Variants in PCDHGA3 observed in about 807,000 individuals in gnomAD.
PCDHGA3 encodes protocadherin gamma-A3.
Under a neutral mutation model 58.5 loss-of-function variants are expected in PCDHGA3, and 40 were observed. That is an observed-to-expected ratio of 0.68 (90% CI 0.53 to 0.89). The LOEUF is 0.89. Ranked by LOEUF, PCDHGA3 falls within the 40% of genes least tolerant of loss-of-function variation. The pLI is 0.00. For synonymous variants in PCDHGA3, 530 were observed against 525.7 expected (o/e 1.01, Z -0.11); for missense variants, 1,223 against 1,195.9 (o/e 1.02, Z -0.33).
chr5:141,432,793 C>T lies in PCDHGA3; in HGVS notation c.2425-62014C>T. 6.2e-7 allele frequency: 1 copy of T among 1,614,150 alleles called. No individual in the cohort carries two copies. Among genetic ancestry groups the T allele is most frequent in the Admixed American group, 1.7e-5 (1 of 60,032 alleles). ...AAGTCCTGGCGGACCTCGGCAGCCT[C>T]GAGTCTCCAGCTAACTCTGAAACCT... On this transcript the variant is annotated intron_variant, in intron 1 of 3. Transcript: ENST00000253812. The surrounding 1 kb of genome is among the most constrained non-coding windows in gnomAD (Gnocchi z 6.0).
At chr5:141,375,474 A>G (rs369592332) in intron 1 of PCDHGA3, 1 of 1,613,772 alleles carries the variant, frequency 6.2e-7, no homozygotes, top group African/African-American at 1.3e-5. Flanking sequence ...GTCCTTGAAA[A>G]CAACCCCAGG....
intron 1 of PCDHGA3, chr5:141,419,113 C>A: frequency 6.2e-7 from 1 of 1,613,872 alleles, no homozygotes; most frequent in Non-Finnish European, 8.5e-7. Flanking sequence ...CCCCAGAGTA[C>A]AACGTCACCA....
rs887814386 is a variant in PCDHGA3, at chr5:141,431,347, G to A, written c.2425-63460G>A. The A allele has an allele frequency of 1.9e-6, 3 of 1,614,098 alleles. No individual in the cohort carries two copies. The highest frequency in any genetic ancestry group is 2.5e-6 in the Non-Finnish European group (3 of 1,180,036). On this transcript the variant is annotated intron_variant, in intron 1 of 3. Coordinates refer to ENST00000253812, the MANE Select transcript of PCDHGA3 (RefSeq NM_018916.4). This position sits in a 1 kb window ranked among gnomAD's most constrained non-coding sequence, Gnocchi z 4.8. ...GTAGTAAGTACCCCGAATTGGTGCT[G>A]AAACGCGCCCTGGACCGCGAAGAAA...
chr5:141,479,813 T>G (rs543146395), intron 1 of PCDHGA3, among the ~76,000 whole-genome samples: 1 of 152,318 alleles, frequency 6.6e-6, no homozygotes, highest in South Asian at 2.1e-4. Flanking sequence ...TATGCAAGGA[T>G]ACTATCCAAG....
intron 1 of PCDHGA3, chr5:141,384,288 G>T (rs1367965791): frequency 1.9e-6 from 3 of 1,613,666 alleles, no homozygotes; most frequent in Non-Finnish European, 2.5e-6. Flanking sequence ...ACATCGCTGA[G>T]AACAACCCCA....
chr5:141,472,751 G>A (rs1000022316), intron 1 of PCDHGA3, among the ~76,000 whole-genome samples: 5 of 151,850 alleles, frequency 3.3e-5, no homozygotes, highest in East Asian at 3.9e-4. Flanking sequence ...TTTGGGAGGC[G>A]GAGGCTGGCA....
At chr5:141,351,167 T>G (rs745490255) in intron 1 of PCDHGA3, 1 of 1,613,946 alleles carries the variant, frequency 6.2e-7, no homozygotes, top group Non-Finnish European at 8.5e-7. Flanking sequence ...CAATGGCACA[T>G]TGGATTTTGA....
At chr5:141,434,128 G>A (rs1267483739) in intron 1 of PCDHGA3, among the ~76,000 whole-genome samples, 1 of 152,138 alleles carries the variant, frequency 6.6e-6, no homozygotes, top group Non-Finnish European at 1.5e-5. Flanking sequence ...ACTCCCTTTA[G>A]GCTGATTTCT....
chr5:141,366,198 C>G (rs187196267), intron 1 of PCDHGA3: 1 of 1,613,774 alleles, frequency 6.2e-7, no homozygotes, highest in Non-Finnish European at 8.5e-7. Context: ...GGGCTGCACA[C>G]GGGCGAGGTG....
chr5:141,506,304 C>A (rs569926873), intron 3 of PCDHGA3, among the ~76,000 whole-genome samples: 3 of 152,078 alleles, frequency 2.0e-5, no homozygotes, highest in Non-Finnish European at 4.4e-5. Context: ...CAAAAATTAG[C>A]TGGGCATGGT....
intron 1 of PCDHGA3, chr5:141,475,890 G>C: frequency 1.8e-6 from 1 of 565,896 alleles, no homozygotes; most frequent in South Asian, 2.3e-5. Flanking sequence ...CTGGGACTCT[G>C]TGTGCCGCTG....
Position 141,444,232 on chromosome 5 carries a change from C to T in PCDHGA3, c.2425-50575C>T, listed in dbSNP as rs1411172798. Among the ~76,000 whole-genome samples the T allele has an allele frequency of 2.5e-5, 3 of 122,350 alleles. No individual in the cohort carries two copies. In the Admixed American group the frequency reaches 3.3e-4, roughly 14 times the overall value. The allele number at this position is 122,350 out of a possible 152,430, so 80.3% of individuals were successfully genotyped here. ...TGTTGCCCAGGCTGGAGTGCAATGG[C>T]ATGCTCTCGGCTCACTGCAACCTCC... is the stretch of plus-strand genomic sequence containing the variant. On this transcript the variant is annotated intron_variant, in intron 1 of 3. Coordinates refer to ENST00000253812, the MANE Select transcript of PCDHGA3 (RefSeq NM_018916.4).
chr5:141,396,620 A>C (rs1222901061), intron 1 of PCDHGA3: 1 of 142,662 alleles, frequency 7.0e-6, no homozygotes, highest in Admixed American at 7.0e-5. Flanking sequence ...ACTCCGTCTC[A>C]AAAAAAAAAA....
chr5:141,510,916 G>C (rs1044988697), intron 3 of PCDHGA3, 31 bp from the exon 4 acceptor site: 2 of 1,613,714 alleles, frequency 1.2e-6, no homozygotes, highest in African/African-American at 1.3e-5. Flanking sequence ...CCTAAGTTTA[G>C]CTCCCACCTG....
At chr5:141,474,126 A>G (rs1450071391) in intron 1 of PCDHGA3, among the ~76,000 whole-genome samples, 2 of 152,232 alleles carry the variant, frequency 1.3e-5, no homozygotes, top group African/African-American at 4.8e-5. Context: ...AAAATCTCAG[A>G]AAACTACAGG....
chr5:141,388,922 A>G (rs761599135), intron 1 of PCDHGA3: 1 of 1,614,046 alleles, frequency 6.2e-7, no homozygotes, highest in Non-Finnish European at 8.5e-7. Context: ...CAGAAGTGAT[A>G]TTCCAGTCTC....
chr5:141,470,262 A>C (rs924170384), intron 1 of PCDHGA3, among the ~76,000 whole-genome samples: 2 of 152,126 alleles, frequency 1.3e-5, no homozygotes, highest in African/African-American at 4.8e-5. Context: ...CTAAATGGAG[A>C]TACATGTTTG....
intron 1 of PCDHGA3, chr5:141,388,545 C>T (rs1293366202): frequency 6.2e-7 from 1 of 1,613,680 alleles, no homozygotes; most frequent in Non-Finnish European, 8.5e-7. Flanking sequence ...TGGAGCTCCA[C>T]CCCTAAGCAG....
intron 1 of PCDHGA3, chr5:141,351,341 G>C: frequency 8.7e-6 from 14 of 1,613,508 alleles, no homozygotes; most frequent in Non-Finnish European, 1.1e-5. Flanking sequence ...CCTTGGAACT[G>C]TAATAGCCCT....
Sources: allele counts gnomAD v4.1 joint callset (sites outside exome capture counted in the v4.1 genomes callset), GRCh38; gene constraint gnomAD v4.1.1; non-coding constraint Gnocchi (gnomAD v3.1); transcripts MANE v1.5; gene names NCBI Gene and HGNC (gene_info 2026-07-23, HGNC 2026-07-21).